The following CHN2 variants were observed in gnomAD, a reference collection of about 807,000 sequenced individuals.
CHN2 encodes chimerin 2.
Under a neutral mutation model 56.3 loss-of-function variants are expected in CHN2, and 35 were observed. The observed-to-expected ratio is 0.62, with a 90% confidence interval of 0.47 to 0.82. CHN2 has a LOEUF of 0.82. Among genes scored for constraint, CHN2 ranks in the 40% least tolerant of loss-of-function variants. The pLI is 0.00. For synonymous variants in CHN2, 210 were observed against 212.8 expected (o/e 0.99, Z 0.12); for missense variants, 491 against 580.5 (o/e 0.85, Z 1.58).
At chr7:29,280,521 C>T (rs1791618802) in intron 1 of CHN2, among the ~76,000 whole-genome samples, 1 of 152,090 alleles carries the variant, frequency 6.6e-6, no homozygotes, top group South Asian at 2.1e-4. Flanking sequence ...TGGAGTTACC[C>T]ATTAGGCTGT....
At chr7:29,331,463 G>A (rs1268384569) in intron 1 of CHN2, among the ~76,000 whole-genome samples, 1 of 152,208 alleles carries the variant, frequency 6.6e-6, no homozygotes, top group African/African-American at 2.4e-5. Flanking sequence ...CTGAACTGCA[G>A]CACTGGAGCA....
chr7:29,214,461 G>C (rs2128784178), intron 1 of CHN2, among the ~76,000 whole-genome samples: 1 of 152,304 alleles, frequency 6.6e-6, no homozygotes, highest in South Asian at 2.1e-4. Flanking sequence ...TTGTGGATCA[G>C]TATTGACGCT....
At chr7:29,269,355 A>G (rs1790427234) in intron 1 of CHN2, among the ~76,000 whole-genome samples, 1 of 152,160 alleles carries the variant, frequency 6.6e-6, no homozygotes, top group South Asian at 2.1e-4. Flanking sequence ...TTCCAGTTCC[A>G]TTCATTTTGT....
chr7:29,254,715 G>T (rs1235237240), intron 1 of CHN2, among the ~76,000 whole-genome samples: 2 of 152,036 alleles, frequency 1.3e-5, no homozygotes, highest in Admixed American at 6.6e-5. Flanking sequence ...ACACATACTA[G>T]GTCTCTAGGA....
At chr7:29,458,964 A>G (rs1222118932) in intron 6 of CHN2, among the ~76,000 whole-genome samples, 1 of 152,232 alleles carries the variant, frequency 6.6e-6, no homozygotes, top group Non-Finnish European at 1.5e-5. Flanking sequence ...TCAACCAGTT[A>G]AGAACTCTGT....
At chr7:29,491,258 CTTT>C in intron 7 of CHN2, among the ~76,000 whole-genome samples, 1 of 152,084 alleles carries the variant, frequency 6.6e-6, no homozygotes, top group East Asian at 1.9e-4. Flanking sequence ...ATCTAAAAAT[CTTT>C]TTTTGTGATG....
In CHN2 at chr7:29,402,202, C is replaced by T. The variant is rs75839815; in HGVS notation, c.576+1374C>T. ...AGGAGGGCGGGGTGGCACCGTGGTC[C>T]CGTTGGTGGAGACAGGGATCATGTC... On this transcript the variant is annotated intron_variant, in intron 6 of 12. Transcript: ENST00000222792. 7.9e-3 allele frequency among the ~76,000 whole-genome samples: 1,205 copies of T among 152,276 alleles called. 23 individuals are homozygous for T. The highest frequency in any genetic ancestry group is 0.028 in the African/African-American group (1,165 of 41,548).
At position 29,512,651 on chromosome 7, in the gene CHN2, C is replaced by T; in HGVS notation, c.1323C>T (p.Asp441=). Residue 441 remains aspartate, a synonymous_variant, in exon 13 of 13, where the codon GAC becomes GAT. Coordinates refer to ENST00000222792, the MANE Select transcript of CHN2 (RefSeq NM_004067.4). ...FGPTLMRPPE[D]STLTTLHDMR... is the part of the protein sequence containing the mutation. ...CCACTCTGATGAGGCCCCCTGAGGA[C>T]AGCACCCTGACCACCCTGCATGATA... 6.2e-7 allele frequency: 1 copy of T among 1,614,174 alleles called. No individual in the cohort carries two copies.
chr7:29,202,378 G>A (rs1200712230), intron 1 of CHN2, among the ~76,000 whole-genome samples: 1 of 152,170 alleles, frequency 6.6e-6, no homozygotes, highest in Admixed American at 6.5e-5. Context: ...TTAATTGGGG[G>A]GAAATGCATG....
intron 1 of CHN2, among the ~76,000 whole-genome samples, chr7:29,205,117 A>G (rs1381895667): frequency 6.6e-6 from 1 of 152,224 alleles, no homozygotes; most frequent in African/African-American, 2.4e-5. Flanking sequence ...CTGAGTGTAA[A>G]TCTGTCATTC....
intron 2 of CHN2, among the ~76,000 whole-genome samples, chr7:29,174,243 C>G (rs1015945824): frequency 3.3e-5 from 5 of 152,178 alleles, no homozygotes; most frequent in African/African-American, 9.7e-5. Flanking sequence ...AAGCAGCAAG[C>G]CCTTGAGAAG....
chr7:29,390,631 C>T (rs75049342), intron 3 of CHN2, among the ~76,000 whole-genome samples: 1,666 of 152,256 alleles, frequency 0.011, 40 homozygotes, highest in African/African-American at 0.038. Flanking sequence ...ACTATCCTGT[C>T]GCCTTCACAC....
At chr7:29,289,585 G>A (rs1432088788) in intron 1 of CHN2, among the ~76,000 whole-genome samples, 7 of 152,290 alleles carry the variant, frequency 4.6e-5, no homozygotes, top group African/African-American at 1.7e-4. Context: ...GAGGGTGATG[G>A]CGGAAAGAAA....
chr7:29,173,268 G>A (rs1156244226), intron 2 of CHN2, among the ~76,000 whole-genome samples: 1 of 152,076 alleles, frequency 6.6e-6, no homozygotes, highest in African/African-American at 2.4e-5. Context: ...AAAAAGCCCT[G>A]TAGCTGGCAT....
At chr7:29,320,690 A>T (rs114091613) in intron 1 of CHN2, among the ~76,000 whole-genome samples, 1,631 of 152,180 alleles carry the variant, frequency 0.011, 31 homozygotes, top group African/African-American at 0.037. Flanking sequence ...CGTCACCCAC[A>T]CTAGATGCCT....
At chr7:29,371,326 G>C (rs1301488910) in intron 3 of CHN2, among the ~76,000 whole-genome samples, 1 of 152,208 alleles carries the variant, frequency 6.6e-6, no homozygotes, top group African/African-American at 2.4e-5. Context: ...CAGCTCTGGC[G>C]CCAATTAAGC....
intron 6 of CHN2, among the ~76,000 whole-genome samples, chr7:29,406,626 A>T (rs1802675106): frequency 6.6e-6 from 1 of 151,946 alleles, no homozygotes; most frequent in Non-Finnish European, 1.5e-5. Context: ...GTCCAGCGTC[A>T]TTGTTTTGAT....
At chr7:29,186,373 A>G (rs1302871365) in intron 2 of CHN2, 1 of 152,232 alleles carries the variant, frequency 6.6e-6, no homozygotes, top group Admixed American at 6.5e-5. Flanking sequence ...ACCTGGGCCC[A>G]GGAGTCTGAG....
chr7:29,371,654 T>C (rs1799626431), intron 3 of CHN2, among the ~76,000 whole-genome samples: 1 of 152,128 alleles, frequency 6.6e-6, no homozygotes, highest in Non-Finnish European at 1.5e-5. Flanking sequence ...GACACCTCTA[T>C]CCACCTGTCC....
Sources: allele counts gnomAD v4.1 joint callset (sites outside exome capture counted in the v4.1 genomes callset), GRCh38; gene constraint gnomAD v4.1.1; transcripts MANE v1.5; gene names NCBI Gene and HGNC (gene_info 2026-07-23, HGNC 2026-07-21).